The following PPP3CA variants were observed in gnomAD, a reference collection of about 807,000 sequenced individuals.
PPP3CA encodes CAM-PRP catalytic subunit.
Under a neutral mutation model 66.5 loss-of-function variants are expected in PPP3CA, and 14 were observed. The observed-to-expected ratio is 0.21, with a 90% CI of 0.14 to 0.33. PPP3CA has a LOEUF of 0.33. Among genes scored for constraint, PPP3CA ranks in the 10% least tolerant of loss-of-function variants. PPP3CA has a pLI of 1.00. For synonymous variants in PPP3CA, 232 were observed against 226.2 expected, an observed-to-expected ratio of 1.03 and a Z score of -0.23; for missense variants, 317 against 639.5, an observed-to-expected ratio of 0.50 and a Z score of 5.44.
chr4:101,190,720 T>C (rs921080103), intron 2 of PPP3CA, among the ~76,000 whole-genome samples: 13 of 151,944 alleles, frequency 8.6e-5, no homozygotes, highest in Non-Finnish European at 1.5e-4. Flanking sequence ...CTACGAATGT[T>C]TTTTTCTGGG....
intron 1 of PPP3CA, among the ~76,000 whole-genome samples, chr4:101,340,879 A>T (rs1729791510): frequency 6.6e-6 from 1 of 152,178 alleles, no homozygotes; most frequent in African/African-American, 2.4e-5. Flanking sequence ...TGGAGTTCAG[A>T]AAAACAGGCT....
intron 1 of PPP3CA, among the ~76,000 whole-genome samples, chr4:101,217,114 A>T (rs1276113706): frequency 6.6e-6 from 1 of 152,158 alleles, no homozygotes; most frequent in African/African-American, 2.4e-5. Flanking sequence ...GAAATGAGCC[A>T]CAGTAGCAGA....
At chr4:101,312,122 G>T (rs1728741239) in intron 1 of PPP3CA, among the ~76,000 whole-genome samples, 1 of 151,956 alleles carries the variant, frequency 6.6e-6, no homozygotes, top group African/African-American at 2.4e-5. Flanking sequence ...ACAATCAGGA[G>T]TCAATAAATA....
At chr4:101,150,661 T>C (rs1723108058) in intron 2 of PPP3CA, among the ~76,000 whole-genome samples, 1 of 152,206 alleles carries the variant, frequency 6.6e-6, no homozygotes, top group African/African-American at 2.4e-5. Flanking sequence ...ATGAAAACAT[T>C]GCTAAATAAA....
intron 1 of PPP3CA, among the ~76,000 whole-genome samples, chr4:101,248,006 G>A (rs1726545465): frequency 6.6e-6 from 1 of 152,144 alleles, no homozygotes; most frequent in Non-Finnish European, 1.5e-5. Context: ...AAGAGAGTAG[G>A]TGTTTAATTA....
In PPP3CA at chr4:101,160,790, T is replaced by C. The variant is rs536829785; in HGVS notation, c.259+35126A>G. Among the ~76,000 whole-genome samples the C allele has an allele frequency of 4.6e-5, 7 of 152,232 alleles. No homozygotes were observed. In the South Asian group the frequency reaches 1.5e-3, roughly 32 times the overall value. On this transcript the variant is annotated intron_variant, in intron 2 of 13. Transcript: ENST00000394854. ...ATGAAGATGTTCTTTAGAATATGTA[T>C]GTGAGTGAAGGTATCCAAATTGGTA... is the stretch of plus-strand genomic sequence containing the variant.
chr4:101,088,939 G>A (rs144857090), intron 6 of PPP3CA, among the ~76,000 whole-genome samples: 449 of 152,298 alleles, frequency 2.9e-3, no homozygotes, highest in African/African-American at 0.01. Context: ...GCATGGCTGG[G>A]AGAATGAACA....
intron 1 of PPP3CA, among the ~76,000 whole-genome samples, chr4:101,201,376 G>A (rs1380154693): frequency 6.6e-6 from 1 of 152,174 alleles, no homozygotes; most frequent in Non-Finnish European, 1.5e-5. Context: ...TTTAAAAGAT[G>A]ATGCCCATGC....
intron 1 of PPP3CA, among the ~76,000 whole-genome samples, chr4:101,324,546 A>T (rs908818610): frequency 2.4e-4 from 37 of 152,116 alleles, no homozygotes; most frequent in East Asian, 3.8e-4. Context: ...AAGAACATTT[A>T]AAAAAAATTA....
intron 1 of PPP3CA, among the ~76,000 whole-genome samples, chr4:101,222,533 A>T (rs928273256): frequency 1.3e-5 from 2 of 151,640 alleles, no homozygotes; most frequent in Admixed American, 6.6e-5. Flanking sequence ...GAGGAAGGGT[A>T]CACCTTATAT....
chr4:101,086,400 GCAAA>G (rs1251316409), intron 6 of PPP3CA, among the ~76,000 whole-genome samples: 1 of 151,934 alleles, frequency 6.6e-6, no homozygotes, highest in Non-Finnish European at 1.5e-5. Context: ...TGGCAGTAGA[GCAAA>G]CAGTTACTAT....
chr4:101,260,299 C>A (rs1332526578), intron 1 of PPP3CA, among the ~76,000 whole-genome samples: 1 of 152,096 alleles, frequency 6.6e-6, no homozygotes, highest in Non-Finnish European at 1.5e-5. Flanking sequence ...CGTGCAGTAT[C>A]AGAAATATAA....
chr4:101,111,030 T>C (rs1253490838), intron 2 of PPP3CA, among the ~76,000 whole-genome samples: 5 of 152,206 alleles, frequency 3.3e-5, no homozygotes, highest in Admixed American at 1.3e-4. Context: ...AATTTTTAAA[T>C]AGGCAAGGAT....
At chr4:101,288,831 T>C (rs1035577592) in intron 1 of PPP3CA, among the ~76,000 whole-genome samples, 1 of 152,086 alleles carries the variant, frequency 6.6e-6, no homozygotes, top group Non-Finnish European at 1.5e-5. Flanking sequence ...GCTGGGGCAA[T>C]GTGTTAACCC....
At chr4:101,306,179 G>A (rs1258152536) in intron 1 of PPP3CA, among the ~76,000 whole-genome samples, 1 of 152,086 alleles carries the variant, frequency 6.6e-6, no homozygotes, top group East Asian at 1.9e-4. Flanking sequence ...CTCTGGAAGG[G>A]GTTTCTAAGT....
intron 2 of PPP3CA, among the ~76,000 whole-genome samples, chr4:101,149,407 T>C (rs1376505698): frequency 1.3e-5 from 2 of 152,126 alleles, no homozygotes; most frequent in Non-Finnish European, 2.9e-5. Flanking sequence ...TTCTCTAGCT[T>C]ATATAACCAA....
At chr4:101,196,766 T>C (rs1724807222) in intron 1 of PPP3CA, among the ~76,000 whole-genome samples, 2 of 152,228 alleles carry the variant, frequency 1.3e-5, no homozygotes, top group Admixed American at 1.3e-4. Flanking sequence ...TTTTTAAAAA[T>C]GACACAGTGA....
At chr4:101,206,582 C>T (rs1578553894) in intron 1 of PPP3CA, among the ~76,000 whole-genome samples, 1 of 152,116 alleles carries the variant, frequency 6.6e-6, no homozygotes, top group Non-Finnish European at 1.5e-5. Flanking sequence ...CAGGTAACAT[C>T]AAATCTCACT....
chr4:101,139,812 C>T (rs1722748250), intron 2 of PPP3CA, among the ~76,000 whole-genome samples: 1 of 146,916 alleles, frequency 6.8e-6, no homozygotes, highest in Non-Finnish European at 1.5e-5. Flanking sequence ...AGAACCTTAA[C>T]TCTTTTTTCT....
Sources: gnomAD v4.1 joint callset for allele counts (sites outside exome capture counted in the v4.1 genomes callset) on GRCh38, gnomAD v4.1.1 for gene constraint, MANE v1.5 for transcripts, NCBI Gene and HGNC (gene_info 2026-07-23, HGNC 2026-07-21) for gene names.